Variants in GANC observed in about 807,000 individuals in gnomAD.
GANC encodes neutral alpha-glucosidase C.
In GANC, 117 loss-of-function variants were observed where a neutral mutation model predicts 124.2. The ratio of observed to expected loss-of-function variants is 0.94; its 90% confidence interval spans 0.81 to 1.10. GANC has a LOEUF of 1.10. Among genes scored for constraint, GANC ranks in the 50% least tolerant of loss-of-function variants. The pLI, the probability that GANC is intolerant of heterozygous loss-of-function variation, is 0.00. For missense variants in GANC, 1,140 were observed against 1,095.0 expected (o/e 1.04, Z -0.58); for synonymous variants, 377 against 376.8 (o/e 1.00, Z -0.01).
Position 42,274,445 on chromosome 15 carries a change from C to T in GANC, c.-37C>T. The T allele has an allele frequency of 6.2e-7, 1 of 1,605,966 alleles. No homozygotes were observed. Among genetic ancestry groups the T allele is most frequent in the Non-Finnish European group, 8.5e-7 (1 of 1,176,422 alleles). Reference sequence around the variant, plus strand: ...TAAAAGATCGCCCAGGGCCCTTGTCCTGAGAGCTGGGAGCTGGTCGGAGTG... The same window carrying T: ...TAAAAGATCGCCCAGGGCCCTTGTCTTGAGAGCTGGGAGCTGGTCGGAGTG... On this transcript the variant is annotated 5_prime_UTR_variant, in exon 1 of 24. Coordinates refer to ENST00000318010, the MANE Select transcript of GANC (RefSeq NM_198141.3).
chr15:42,314,444 G>A, intron 10 of GANC: 1 of 333,106 alleles, frequency 3.0e-6, no homozygotes, highest in East Asian at 7.8e-5. Context: ...ATCTGAGCTT[G>A]TGACACAGCT....
At chr15:42,334,720 A>G (rs1331317274) in intron 15 of GANC, among the ~76,000 whole-genome samples, 1 of 149,910 alleles carries the variant, frequency 6.7e-6, no homozygotes, top group Non-Finnish European at 1.5e-5. Context: ...CTCAATAATA[A>G]TAAGAAAGAC....
intron 12 of GANC, 51 bp from the exon 13 acceptor site, chr15:42,327,312 A>T: frequency 3.7e-6 from 5 of 1,364,786 alleles, no homozygotes; most frequent in Non-Finnish European, 5.2e-6. Flanking sequence ...AATGCATCCT[A>T]CTGTGAGGAC....
At chr15:42,287,273 A>C (rs1165977642) in intron 3 of GANC, among the ~76,000 whole-genome samples, 2 of 152,088 alleles carry the variant, frequency 1.3e-5, no homozygotes, top group Non-Finnish European at 2.9e-5. Context: ...TTCATCTTTC[A>C]TCCAGCTGGA....
chr15:42,311,904 T>A (rs1343689581), intron 10 of GANC, among the ~76,000 whole-genome samples: 2 of 151,746 alleles, frequency 1.3e-5, no homozygotes, highest in Non-Finnish European at 2.9e-5. Flanking sequence ...TCCAAAAAAA[T>A]TTAAGAAAAC....
chr15:42,324,381 C>G (rs942791331), intron 11 of GANC, among the ~76,000 whole-genome samples: 1 of 152,112 alleles, frequency 6.6e-6, no homozygotes, highest in Non-Finnish European at 1.5e-5. Flanking sequence ...GATAGTTCCT[C>G]AGAAATTTAA....
rs768987114 is a variant in GANC at position 42,308,273 on chromosome 15, A to G, written c.677A>G (p.Tyr226Cys). 9 of 1,610,408 alleles carry G rather than the reference A, an allele frequency of 5.6e-6. No homozygotes were observed. Among genetic ancestry groups the G allele is most frequent in the East Asian group, 4.5e-5 (2 of 44,816 alleles). ...TCCTTGCATGGATTTGAGCATCTTT[A>G]TGGGATCCCACAACATGCAGAATCA... ...DFSLHGFEHL[Y>C]GIPQHAESHQ... is the part of the protein sequence containing the mutation. Residue 226 changes from tyrosine to cysteine, a missense_variant, in exon 8 of 24, where the codon TAT becomes TGT. By Grantham distance (194) the Tyr-to-Cys change is radical (BLOSUM62 -2). Transcript: ENST00000318010.
chr15:42,302,229 C>T (rs183831647), intron 6 of GANC, among the ~76,000 whole-genome samples: 89 of 152,312 alleles, frequency 5.8e-4, no homozygotes, highest in Non-Finnish European at 1.2e-3. Context: ...GAATGGACCT[C>T]CGGCAAACTT....
rs2052042581 is a variant in GANC at position 42,310,710 on chromosome 15, G to C, written c.921G>C (p.Met307Ile). 1.2e-6 allele frequency: 2 copies of C among 1,612,368 alleles called. No individual in the cohort carries two copies. The highest frequency in any genetic ancestry group is 1.7e-6 in the Non-Finnish European group (2 of 1,178,592). The change falls in exon 10 of 24, where the codon ATG (methionine) becomes ATC (isoleucine). Residue 307 changes from methionine to isoleucine, a missense_variant. By Grantham distance (10) the Met-to-Ile change is conservative (BLOSUM62 1). Coordinates refer to ENST00000318010, the MANE Select transcript of GANC (RefSeq NM_198141.3). ...EPAVEYTLTQ[M>I]GPVAAKQKVR... ...TTTTCCAGTACACACTGACCCAGATGGGCCCAGTTGCTGCTAAACAAAAGG... is the reference window on the plus strand; with the variant it reads ...TTTTCCAGTACACACTGACCCAGATCGGCCCAGTTGCTGCTAAACAAAAGG...
At chr15:42,282,294 C>T (rs943065678) in intron 3 of GANC, among the ~76,000 whole-genome samples, 3 of 152,082 alleles carry the variant, frequency 2.0e-5, no homozygotes, top group African/African-American at 7.2e-5. Context: ...GCACCCTCAG[C>T]CTGGGCAACA....
intron 10 of GANC, among the ~76,000 whole-genome samples, chr15:42,320,011 C>G (rs556335030): frequency 9.1e-4 from 138 of 152,192 alleles, no homozygotes; most frequent in Admixed American, 1.9e-3. Flanking sequence ...TGGTGAAACC[C>G]TCTGTCTACT....
intron 15 of GANC, among the ~76,000 whole-genome samples, chr15:42,331,564 G>C (rs888585745): frequency 6.6e-6 from 1 of 152,142 alleles, no homozygotes; most frequent in African/African-American, 2.4e-5. Flanking sequence ...TTACTATCCT[G>C]TGGACATTAT....
At chr15:42,274,737 A>G (rs1406718864) in intron 1 of GANC, among the ~76,000 whole-genome samples, 1 of 152,046 alleles carries the variant, frequency 6.6e-6, no homozygotes, top group Non-Finnish European at 1.5e-5. Flanking sequence ...GCACTTTGGG[A>G]GGCTAAGGTG....
Position 42,343,410 on chromosome 15 carries a change from A to G in GANC, c.2229+256A>G, listed in dbSNP as rs16973109. ...TTAGTCTTCACACTTTGACTAGTAA[A>G]AGTGAGTCCTGATAAACACACCGAG... On this transcript the variant is annotated intron_variant, in intron 19 of 23. Transcript: ENST00000318010. The G allele has an allele frequency of 0.095, 42,351 of 446,008 alleles. 2,514 individuals carry two copies. The highest frequency in any genetic ancestry group is 0.2 in the South Asian group (7,809 of 38,942). 27.6% of individuals were successfully genotyped at this position (446,008 alleles called of 1,614,324 possible). A position where few individuals can be genotyped will look rare whatever the true frequency, so the allele number is the denominator to read the frequency against.
chr15:42,274,278 A>C lies in GANC; in HGVS notation c.-204A>C, dbSNP rs574970447. Reference sequence around the variant, plus strand: ...AAATTTGCCAAATAAATCATTGTAGAAACGCTAGTTTGGGCCTGAAAAATT... The same window carrying C: ...AAATTTGCCAAATAAATCATTGTAGCAACGCTAGTTTGGGCCTGAAAAATT... On this transcript the variant is annotated 5_prime_UTR_variant, in exon 1 of 24. Transcript: ENST00000318010. 1.3e-4 allele frequency: 79 copies of C among 607,362 alleles called. No individual in the cohort carries two copies. Among genetic ancestry groups the C allele is most frequent in the Non-Finnish European group, 2.1e-4 (71 of 341,364 alleles). 37.6% of individuals were successfully genotyped at this position (607,362 alleles called of 1,614,324 possible).
chr15:42,352,521 G>T lies in GANC; in HGVS notation c.*382G>T. On this transcript the variant is annotated 3_prime_UTR_variant, in exon 24 of 24. Coordinates refer to ENST00000318010, the MANE Select transcript of GANC (RefSeq NM_198141.3). ...TTGCCTCAGGCCATGCAGCATTGGC[G>T]CTCTGGCTGCAGCAGCTGAGTTGCT... The T allele has an allele frequency of 9.6e-7, 1 of 1,036,348 alleles. No individual in the cohort carries two copies. Among genetic ancestry groups the T allele is most frequent in the Non-Finnish European group, 1.2e-6 (1 of 859,678 alleles). 64.2% of individuals were successfully genotyped at this position (1,036,348 alleles called of 1,614,324 possible).
intron 6 of GANC, among the ~76,000 whole-genome samples, chr15:42,300,072 A>G (rs1318185612): frequency 2.0e-5 from 3 of 152,244 alleles, no homozygotes; most frequent in Non-Finnish European, 4.4e-5. Flanking sequence ...TTCGTGATGA[A>G]AGCGCCAAAA....
chr15:42,302,510 A>G (rs1389355691), intron 6 of GANC, among the ~76,000 whole-genome samples: 1 of 152,170 alleles, frequency 6.6e-6, no homozygotes, highest in Non-Finnish European at 1.5e-5. Flanking sequence ...AGTTTGACAA[A>G]TTGACAGAAA....
intron 19 of GANC, chr15:42,344,917 T>C (rs1400024873): frequency 6.6e-6 from 1 of 152,122 alleles, no homozygotes; most frequent in Non-Finnish European, 1.5e-5. Flanking sequence ...TCGTTGTGAG[T>C]GTGTATTATG....
Sources: allele counts gnomAD v4.1 joint callset (sites outside exome capture counted in the v4.1 genomes callset), GRCh38; gene constraint gnomAD v4.1.1; transcripts MANE v1.5; gene names NCBI Gene and HGNC (gene_info 2026-07-23, HGNC 2026-07-21).